Variants in ZSCAN25 observed in about 807,000 individuals in gnomAD.
ZSCAN25 encodes the protein zinc finger and SCAN domain containing 25.
ZSCAN25 carries 27 observed loss-of-function variants against 38.7 expected under a neutral mutation model. That is an observed-to-expected ratio of 0.70 (90% confidence interval 0.51 to 0.96). The LOEUF is 0.96. Among genes scored for constraint, ZSCAN25 ranks in the 40% least tolerant of loss-of-function variants. The pLI is 0.00. For missense variants in ZSCAN25, 637 were observed against 705.9 expected (o/e 0.90, Z 1.11); for synonymous variants, 273 against 277.7 (o/e 0.98, Z 0.17).
chr7:99,664,284 A>ACAC, the ZSCAN25 span, among the ~76,000 whole-genome samples: 7 of 152,240 alleles, frequency 4.6e-5, no homozygotes, highest in Non-Finnish European at 7.3e-5. Context: ...TACATAGGAA[A>ACAC]CACCACTACA....
chr7:99,707,763 G>C, the ZSCAN25 span: 1 of 1,610,280 alleles, frequency 6.2e-7, no homozygotes, highest in Non-Finnish European at 8.5e-7. Flanking sequence ...AGACCATTCA[G>C]TTAAAATAAT....
At chr7:99,720,311 A>G in the ZSCAN25 span, 1 of 1,612,490 alleles carries the variant, frequency 6.2e-7, no homozygotes, top group Non-Finnish European at 8.5e-7. Flanking sequence ...ATGGATGCTT[A>G]CCCTCCGGTT....
At chr7:99,717,104 A>G in the ZSCAN25 span, 67,564 of 1,595,784 alleles carry the variant, frequency 0.042, 4,804 homozygotes, top group East Asian at 0.24. Context: ...CAACAGCGGG[A>G]GTATCAGCTC....
At chr7:99,676,268 G>T in the ZSCAN25 span, 1 of 1,608,416 alleles carries the variant, frequency 6.2e-7, no homozygotes, top group Non-Finnish European at 8.5e-7. Context: ...CAGAGGGCTG[G>T]TGAGTTACTC....
chr7:99,718,546 A>G, the ZSCAN25 span, among the ~76,000 whole-genome samples: 1 of 152,218 alleles, frequency 6.6e-6, no homozygotes, highest in Non-Finnish European at 1.5e-5. Context: ...TCCATTTGAT[A>G]AAGAGAATCT....
At chr7:99,686,964 G>T in the ZSCAN25 span, among the ~76,000 whole-genome samples, 1 of 152,194 alleles carries the variant, frequency 6.6e-6, no homozygotes, top group African/African-American at 2.4e-5. Flanking sequence ...GCAGCTGAGG[G>T]TCCTGTCAGA....
chr7:99,674,337 TTA>T, the ZSCAN25 span: 1 of 466,244 alleles, frequency 2.1e-6, no homozygotes. Flanking sequence ...TGCACATAGT[TTA>T]TAACGGCAAG....
At chr7:99,672,039 G>GT in the ZSCAN25 span, among the ~76,000 whole-genome samples, 1 of 151,870 alleles carries the variant, frequency 6.6e-6, no homozygotes, top group East Asian at 1.9e-4. Context: ...CAGTTTGCCG[G>GT]TTTTTGTTGT....
chr7:99,697,048 A>C, the ZSCAN25 span, among the ~76,000 whole-genome samples: 3 of 152,200 alleles, frequency 2.0e-5, no homozygotes, highest in East Asian at 5.8e-4. Flanking sequence ...TAGAACCATG[A>C]GCCAATTAAA....
At chr7:99,698,686 A>G in the ZSCAN25 span, among the ~76,000 whole-genome samples, 1 of 152,154 alleles carries the variant, frequency 6.6e-6, no homozygotes, top group Non-Finnish European at 1.5e-5. Context: ...TATTCCTGAC[A>G]TTATTCTGGA....
chr7:99,692,259 G>C, the ZSCAN25 span, among the ~76,000 whole-genome samples: 2 of 152,372 alleles, frequency 1.3e-5, no homozygotes, highest in East Asian at 3.9e-4. Flanking sequence ...TCTGCTGAGA[G>C]ATCTGCTGTT....
chr7:99,732,189 T>G, the ZSCAN25 span, among the ~76,000 whole-genome samples: 1 of 152,160 alleles, frequency 6.6e-6, no homozygotes, highest in Admixed American at 6.5e-5. Context: ...TCTGGTGGTT[T>G]ATAAGTGTGT....
chr7:99,720,530 C>A, the ZSCAN25 span: 1 of 1,126,510 alleles, frequency 8.9e-7, no homozygotes. Context: ...GTACAATACA[C>A]AGTAATCTTA....
the ZSCAN25 span, chr7:99,676,199 G>GGTC: frequency 6.2e-7 from 1 of 1,613,672 alleles, no homozygotes; most frequent in South Asian, 1.1e-5. Flanking sequence ...CATGTGTACG[G>GGTC]GTCCCATATC....
chr7:99,643,270 CGG>C, the ZSCAN25 span, among the ~76,000 whole-genome samples: 2 of 151,970 alleles, frequency 1.3e-5, no homozygotes, highest in Admixed American at 6.5e-5. Context: ...AGGCCAAGAC[CGG>C]TGCCCATCTA....
At chr7:99,670,475 T>C in the ZSCAN25 span, among the ~76,000 whole-genome samples, 3 of 152,254 alleles carry the variant, frequency 2.0e-5, no homozygotes, top group African/African-American at 7.2e-5. Flanking sequence ...TACAGGAATT[T>C]GAAAACAGGT....
chr7:99,624,733 TG>T (rs1807319530), intron 7 of ZSCAN25, among the ~76,000 whole-genome samples: 1 of 152,156 alleles, frequency 6.6e-6, no homozygotes. Context: ...GGGTTTGACC[TG>T]GGCTCAGAGC....
At chr7:99,665,355 T>G in the ZSCAN25 span, 14 of 1,611,630 alleles carry the variant, frequency 8.7e-6, no homozygotes, top group South Asian at 8.8e-5. Context: ...TCAGCACCTC[T>G]TACCGTCCTT....
At chr7:99,723,370 T>C in the ZSCAN25 span, among the ~76,000 whole-genome samples, 1 of 152,202 alleles carries the variant, frequency 6.6e-6, no homozygotes, top group Non-Finnish European at 1.5e-5. Flanking sequence ...ACCATGCACC[T>C]TGTGACCCCC....
Sources: allele counts gnomAD v4.1 joint callset (sites outside exome capture counted in the v4.1 genomes callset), GRCh38; gene constraint gnomAD v4.1.1; transcripts MANE v1.5; gene names NCBI Gene and HGNC (gene_info 2026-07-23, HGNC 2026-07-21).